CHRNB4: variants seen among roughly 807,000 people sequenced by gnomAD.
The protein encoded by CHRNB4 is cholinergic receptor nicotinic beta 4 subunit.
A neutral mutation model predicts 40.4 loss-of-function variants in CHRNB4; 23 were observed. That is an observed-to-expected ratio of 0.57 (90% CI 0.41 to 0.81). The LOEUF (loss-of-function observed/expected upper bound fraction) is 0.81. Ranked by LOEUF, CHRNB4 falls within the 30% of genes least tolerant of loss-of-function variation. The pLI, the probability that CHRNB4 is intolerant of heterozygous loss-of-function variation, is 0.00. For missense variants in CHRNB4, 568 were observed against 670.6 expected, an observed-to-expected ratio of 0.85 and a Z score of 1.69; for synonymous variants, 285 against 274.4, an observed-to-expected ratio of 1.04 and a Z score of -0.38.
upstream of CHRNB4, among the ~76,000 whole-genome samples, chr15:78,642,355 A>G (rs1217075183): frequency 6.6e-6 from 1 of 152,258 alleles, no homozygotes; most frequent in East Asian, 1.9e-4. Context: ...CAAGGCTGGA[A>G]AATAGGATAA....
intron 5 of CHRNB4, chr15:78,626,120 T>C (rs1596094794): frequency 6.6e-6 from 1 of 152,294 alleles, no homozygotes; most frequent in Non-Finnish European, 1.5e-5. Flanking sequence ...GTTGGAAATG[T>C]GGGCAGCAAC....
At chr15:78,638,628 C>T (rs141222927) in intron 1 of CHRNB4, among the ~76,000 whole-genome samples, 6 of 150,264 alleles carry the variant, frequency 4.0e-5, no homozygotes, top group Admixed American at 3.3e-4. Context: ...GCCGGGGGGC[C>T]GGGGGGGTGG....
chr15:78,626,337 C>CGGGGG (rs1435066888), intron 5 of CHRNB4: 10 of 109,544 alleles, frequency 9.1e-5, no homozygotes, highest in African/African-American at 3.3e-4. Flanking sequence ...TAATTTCAAG[C>CGGGGG]GGGGGTGTGT....
At chr15:78,645,964 G>T (rs1248355540), upstream of CHRNB4, among the ~76,000 whole-genome samples, 1 of 151,648 alleles carries the variant, frequency 6.6e-6, no homozygotes, top group African/African-American at 2.4e-5. Context: ...GGAGGCTGAG[G>T]CAGGAGAATC....
intron 1 of CHRNB4, among the ~76,000 whole-genome samples, chr15:78,640,298 G>A (rs1196562282): frequency 6.6e-6 from 1 of 152,150 alleles, no homozygotes; most frequent in African/African-American, 2.4e-5. Context: ...ATTCAGGTGG[G>A]GAAACTGAGG....
chr15:78,642,158 C>T (rs2054085053), upstream of CHRNB4, among the ~76,000 whole-genome samples: 1 of 152,154 alleles, frequency 6.6e-6, no homozygotes, highest in African/African-American at 2.4e-5. Flanking sequence ...CATATTGCTC[C>T]CCCCACGTCA....
intron 5 of CHRNB4, among the ~76,000 whole-genome samples, chr15:78,625,700 C>T (rs1352755973): frequency 6.6e-6 from 1 of 152,200 alleles, no homozygotes; most frequent in African/African-American, 2.4e-5. Flanking sequence ...AAAGAAAGAA[C>T]TAGGTGGCTC....
At chr15:78,633,362 C>T (rs932084128) in intron 2 of CHRNB4, among the ~76,000 whole-genome samples, 2 of 152,212 alleles carry the variant, frequency 1.3e-5, no homozygotes, top group African/African-American at 4.8e-5. Context: ...TTCTGCTCTA[C>T]AAAGTTCTGA....
At chr15:78,651,795 G>A (rs1249783710) in intron 6 of CHRNB4, among the ~76,000 whole-genome samples, 1 of 152,158 alleles carries the variant, frequency 6.6e-6, no homozygotes, top group African/African-American at 2.4e-5. Context: ...CCCCACCCTG[G>A]GTAGCCTTCC....
At chr15:78,639,580 G>A (rs1192956352) in intron 1 of CHRNB4, among the ~76,000 whole-genome samples, 8 of 152,188 alleles carry the variant, frequency 5.3e-5, no homozygotes, top group Non-Finnish European at 1.2e-4. Context: ...TTACAAGTGT[G>A]AGCCACCGCG....
At chr15:78,627,335 G>A (rs765556040) in intron 5 of CHRNB4, 6 of 152,200 alleles carry the variant, frequency 3.9e-5, no homozygotes, top group Non-Finnish European at 8.8e-5. Context: ...TCTGGATTGG[G>A]GCCTGAGACT....
chr15:78,640,983 G>A, intron 1 of CHRNB4, 96 bp downstream of exon 1: 1 of 1,360,642 alleles, frequency 7.3e-7, no homozygotes, highest in Non-Finnish European at 1.0e-6. Flanking sequence ...ACTCCCCCGG[G>A]CGCAGGGCAC....
intron 5 of CHRNB4, among the ~76,000 whole-genome samples, chr15:78,655,330 C>A (rs897832506): frequency 4.0e-5 from 6 of 151,516 alleles, no homozygotes; most frequent in Non-Finnish European, 7.4e-5. Context: ...CACCTCCCAG[C>A]CTCCCTATCC....
chr15:78,632,207 T>TTC (rs1157285840), intron 2 of CHRNB4, among the ~76,000 whole-genome samples: 10 of 88,232 alleles, frequency 1.1e-4, no homozygotes, highest in African/African-American at 7.7e-4. Context: ...CTTTCTTTCT[T>TTC]TCTTTCTCTT....
In CHRNB4 at chr15:78,624,640, G is replaced by T. The variant is rs920135108; in HGVS notation, c.*493C>A. On this transcript the variant is annotated 3_prime_UTR_variant, in exon 6 of 6. Coordinates refer to ENST00000261751, the MANE Select transcript of CHRNB4 (RefSeq NM_000750.5). ...TTTCTGTAATCCCAGCTACTTGGGA[G>T]GTTGAGGCAGGAGAATCACTTGAGC... 8.4e-6 allele frequency: 2 copies of T among 237,684 alleles called. No individual in the cohort carries two copies. Among genetic ancestry groups the T allele is most frequent in the Non-Finnish European group, 1.6e-5 (2 of 124,122 alleles). 14.7% of individuals were successfully genotyped at this position (237,684 alleles called of 1,614,324 possible).
intron 2 of CHRNB4, among the ~76,000 whole-genome samples, chr15:78,632,906 G>A (rs745498051): frequency 3.9e-5 from 6 of 152,036 alleles, no homozygotes; most frequent in South Asian, 2.1e-4. Context: ...TCTCTTCTTC[G>A]TACGCAGCCC....
At chr15:78,628,580 T>G (rs1218736060) in intron 5 of CHRNB4, among the ~76,000 whole-genome samples, 1 of 152,142 alleles carries the variant, frequency 6.6e-6, no homozygotes, top group Non-Finnish European at 1.5e-5. Flanking sequence ...CTGAGGCTTG[T>G]TCCCACGGGT....
At chr15:78,645,335 T>C (rs544406652), upstream of CHRNB4, among the ~76,000 whole-genome samples, 1 of 152,294 alleles carries the variant, frequency 6.6e-6, no homozygotes, top group South Asian at 2.1e-4. Flanking sequence ...CCTTTACTTA[T>C]TGACCAACCC....
At chr15:78,661,459 T>C (rs777582864), upstream of CHRNB4, 9 of 513,166 alleles carry the variant, frequency 1.8e-5, no homozygotes, top group Non-Finnish European at 3.4e-5. Flanking sequence ...ATAAACAGCC[T>C]CTTCAGTACA....
Sources: gnomAD v4.1 joint callset for allele counts (sites outside exome capture counted in the v4.1 genomes callset) on GRCh38, gnomAD v4.1.1 for gene constraint, MANE v1.5 for transcripts, NCBI Gene and HGNC (gene_info 2026-07-23, HGNC 2026-07-21) for gene names.